ACTN2: variants seen among roughly 807,000 people sequenced by gnomAD.
The protein encoded by ACTN2 is actinin alpha 2.
ACTN2 carries 39 observed loss-of-function variants against 113.8 expected under a neutral mutation model. That is an observed-to-expected ratio of 0.34 (90% CI 0.27 to 0.45). ACTN2 has a LOEUF of 0.45. Ranked by LOEUF, ACTN2 falls within the 20% of genes least tolerant of loss-of-function variation. The pLI is 1.00. For missense variants in ACTN2, 992 were observed against 1,177.9 expected (o/e 0.84, Z 2.31); for synonymous variants, 429 against 444.1 (o/e 0.97, Z 0.43).
chr1:236,741,943 C>A (rs549801397), intron 10 of ACTN2, among the ~76,000 whole-genome samples: 7 of 152,306 alleles, frequency 4.6e-5, no homozygotes, highest in African/African-American at 1.7e-4. Context: ...TGCCCTGAGG[C>A]ACTCCACCGC....
chr1:236,730,544 T>C (rs958842483), intron 6 of ACTN2, among the ~76,000 whole-genome samples: 3 of 152,234 alleles, frequency 2.0e-5, no homozygotes, highest in Admixed American at 6.5e-5. Context: ...ATTTCTCTAG[T>C]GGATCAAAAT....
At chr1:236,748,558 G>A (rs7518515) in intron 13 of ACTN2, among the ~76,000 whole-genome samples, 5,480 of 152,226 alleles carry the variant, frequency 0.036, 312 homozygotes, top group African/African-American at 0.12. Context: ...GGAAACAAGC[G>A]CAGGATCATC....
intron 1 of ACTN2, among the ~76,000 whole-genome samples, chr1:236,709,257 C>CATAT (rs1334871243): frequency 9.8e-4 from 85 of 86,892 alleles, no homozygotes; most frequent in African/African-American, 4.3e-3. Flanking sequence ...TATATATATA[C>CATAT]ACACACACAC....
chr1:236,739,679 C>T (rs1247715754), intron 10 of ACTN2, 147 bp downstream of exon 10: 2 of 988,090 alleles, frequency 2.0e-6, no homozygotes, highest in East Asian at 2.6e-5. Flanking sequence ...CCACTTTGTT[C>T]TTAATACTTT....
chr1:236,690,306 A>G (rs1666036165), intron 1 of ACTN2, among the ~76,000 whole-genome samples: 1 of 152,214 alleles, frequency 6.6e-6, no homozygotes, highest in African/African-American at 2.4e-5. Flanking sequence ...CTGCTGATTT[A>G]GAGCACAAGG....
intron 20 of ACTN2, among the ~76,000 whole-genome samples, chr1:236,761,492 A>C (rs1659709388): frequency 6.6e-6 from 1 of 151,978 alleles, no homozygotes; most frequent in Non-Finnish European, 1.5e-5. Context: ...CCTGTTTTAC[A>C]TTCTAGGTTG....
At position 236,705,388 on chromosome 1, in the gene ACTN2, T is replaced by C. The variant is rs572583243; in HGVS notation, c.127-12470T>C. On this transcript the variant is annotated intron_variant, in intron 1 of 20. Transcript: ENST00000366578. ...AAATATAAAGATGAATATTTAAACA[T>C]GTTCTTCAACTCATTAATGAGGAAA... is the stretch of plus-strand genomic sequence containing the variant. Among the ~76,000 whole-genome samples the C allele has an allele frequency of 3.7e-4, 57 of 152,278 alleles. No homozygotes were observed. In the East Asian group the frequency reaches 6.4e-3, roughly 17 times the overall value.
intron 5 of ACTN2, among the ~76,000 whole-genome samples, chr1:236,726,282 G>A (rs189019773): frequency 7.0e-4 from 106 of 152,310 alleles, no homozygotes; most frequent in Non-Finnish European, 9.0e-4. Flanking sequence ...GTTTGGGGGT[G>A]TAAGCATGCA....
chr1:236,712,846 C>A (rs1658071288), intron 1 of ACTN2, among the ~76,000 whole-genome samples: 1 of 151,804 alleles, frequency 6.6e-6, no homozygotes, highest in South Asian at 2.1e-4. Flanking sequence ...AATATTTGCC[C>A]ACTTTTTAAG....
At chr1:236,705,405 A>T (rs1485022825) in intron 1 of ACTN2, among the ~76,000 whole-genome samples, 1 of 152,244 alleles carries the variant, frequency 6.6e-6, no homozygotes, top group Non-Finnish European at 1.5e-5. Context: ...CAACTCATTA[A>T]TGAGGAAACT....
In ACTN2 at chr1:236,725,935, A is replaced by G. The variant is rs748268010; in HGVS notation, c.451A>G (p.Thr151Ala). 1 of 1,614,146 alleles carries G rather than the reference A, an allele frequency of 6.2e-7. No homozygotes were observed. The highest frequency in any genetic ancestry group is 2.2e-5 in the East Asian group (1 of 44,880). ...FAIQDISVEE[T>A]SAKEGLLLWC... ...CTTTTTCTTGGCTGTCATTACAGAA[A>G]CATCTGCCAAAGAAGGTCTGCTGCT... Residue 151 changes from threonine to alanine, a missense_variant and splice_region_variant, in exon 5 of 21, where the codon ACA becomes GCA. This residue lies in a region of ACTN2 where 220 missense variants were observed against 337.5 expected (regional missense o/e 0.65). Transcript: ENST00000366578.
chr1:236,738,800 C>T (rs1365575382), intron 9 of ACTN2, among the ~76,000 whole-genome samples: 1 of 152,162 alleles, frequency 6.6e-6, no homozygotes, highest in African/African-American at 2.4e-5. Flanking sequence ...CGTCAAAATA[C>T]ACTTTGGCAT....
intron 18 of ACTN2, among the ~76,000 whole-genome samples, chr1:236,758,574 C>T (rs1659617110): frequency 6.6e-6 from 1 of 150,834 alleles, no homozygotes; most frequent in Admixed American, 6.6e-5. Context: ...CAAGTGTGAG[C>T]CACCGCACCT....
chr1:236,686,880 TGGCGACTGGCGAGA>T (rs1665891355), intron 1 of ACTN2, 81 bp downstream of exon 1: 1 of 1,284,260 alleles, frequency 7.8e-7, no homozygotes, highest in Non-Finnish European at 9.9e-7. Flanking sequence ...CCGCGTGGCC[TGGCGACTGGCGAGA>T]GGGCGCTTTG....
chr1:236,734,300 C>A (rs763868538), intron 7 of ACTN2: 3 of 561,846 alleles, frequency 5.3e-6, no homozygotes, highest in Non-Finnish European at 6.1e-6. Context: ...TGATTTGAGC[C>A]AAAATGTTAG....
In ACTN2 at chr1:236,754,567, T is replaced by C. The variant is rs892713383; in HGVS notation, c.1975-452T>C. Among the ~76,000 whole-genome samples, 4 of 152,148 alleles carry C rather than the reference T, an allele frequency of 2.6e-5. No homozygotes were observed. Among genetic ancestry groups the C allele is most frequent in the Admixed American group, 2.6e-4 (4 of 15,272 alleles). ...TCTTGTCCCACCACCCTTTTGGTGT[T>C]GAAATATTGACTTTTTTCTTAAAGC... is the stretch of plus-strand genomic sequence containing the variant. On this transcript the variant is annotated intron_variant, in intron 16 of 20. Coordinates refer to ENST00000366578, the MANE Select transcript of ACTN2 (RefSeq NM_001103.4). The surrounding 1 kb of genome is among the most constrained non-coding windows in gnomAD (Gnocchi z 4.9).
chr1:236,694,117 T>G (rs1391489156), intron 1 of ACTN2, among the ~76,000 whole-genome samples: 1 of 152,156 alleles, frequency 6.6e-6, no homozygotes, highest in Admixed American at 6.5e-5. Context: ...CACCTGATGC[T>G]CTGTCTCCCC....
chr1:236,720,995 AGCCTCT>A (rs1379227467), intron 4 of ACTN2, among the ~76,000 whole-genome samples: 1 of 118,802 alleles, frequency 8.4e-6, no homozygotes, highest in Non-Finnish European at 1.7e-5. Flanking sequence ...AGGCCACAGT[AGCCTCT>A]GACTCTGGTT....
intron 4 of ACTN2, among the ~76,000 whole-genome samples, chr1:236,724,500 C>G (rs1160458788): frequency 2.0e-5 from 3 of 152,192 alleles, no homozygotes; most frequent in African/African-American, 7.2e-5. Flanking sequence ...CTGGCTGACA[C>G]CTGGGCCGAG....
Sources: allele counts gnomAD v4.1 joint callset (sites outside exome capture counted in the v4.1 genomes callset), GRCh38; gene constraint gnomAD v4.1.1; regional missense constraint gnomAD v4.1.1; non-coding constraint Gnocchi (gnomAD v3.1); transcripts MANE v1.5; gene names NCBI Gene and HGNC (gene_info 2026-07-23, HGNC 2026-07-21).